The following AFF4 variants were observed in gnomAD, a reference collection of about 807,000 sequenced individuals.
AFF4 encodes the protein ALF transcription elongation factor 4.
AFF4 carries 13 observed loss-of-function variants against 124.8 expected under a neutral mutation model. The ratio of observed to expected loss-of-function variants is 0.10; its 90% CI spans 0.07 to 0.17. The LOEUF (loss-of-function observed/expected upper bound fraction) is 0.17, where lower values mean the gene tolerates loss of function less well. Ranked by LOEUF, AFF4 falls within the 10% of genes least tolerant of loss-of-function variation. The pLI is 1.00. For missense variants in AFF4, 1,092 were observed against 1,403.8 expected (o/e 0.78, Z 3.55); for synonymous variants, 477 against 496.1 (o/e 0.96, Z 0.51).
In AFF4 at chr5:132,934,202, T is replaced by C; in HGVS notation, c.863A>G (p.Lys288Arg). The C allele has an allele frequency of 6.2e-7, 1 of 1,614,202 alleles. No homozygotes were observed. The stretch of plus-strand genomic sequence containing the variant: ...GGTGAGATGTGCTTTGCTGCTGGGC[T>C]TCAGCTCAGTCATGCTGTTGCCATG... Reference protein sequence around the residue: ...QSHGNSMTELKPSSKAHLTKL... With the variant: ...QSHGNSMTELRPSSKAHLTKL... The change falls in exon 3 of 21, where the codon AAG becomes AGG. Residue 288 changes from lysine to arginine, a missense_variant. Physicochemically the swap from Lys to Arg is conservative, Grantham distance 26. This residue lies in a region of AFF4 where 148 missense variants were observed against 196.3 expected (regional missense o/e 0.75). Transcript: ENST00000265343.
chr5:132,949,504 T>C (rs1405539111), intron 1 of AFF4, among the ~76,000 whole-genome samples: 1 of 151,932 alleles, frequency 6.6e-6, no homozygotes, highest in Non-Finnish European at 1.5e-5. Context: ...AAGTGAGACC[T>C]CATCTCTTAA....
chr5:132,881,021 T>C lies in AFF4; in HGVS notation c.*38A>G. 1.2e-6 allele frequency: 2 copies of C among 1,605,690 alleles called. No individual in the cohort carries two copies. Among genetic ancestry groups the C allele is most frequent in the Non-Finnish European group, 1.7e-6 (2 of 1,176,550 alleles). On this transcript the variant is annotated 3_prime_UTR_variant, in exon 21 of 21. Transcript: ENST00000265343. Reference sequence around the variant, plus strand: ...TTTTCCTTCGTGATGTGACACAGTGTTGTGGAGAAAATCAGAGGCAACGAG... The same window carrying C: ...TTTTCCTTCGTGATGTGACACAGTGCTGTGGAGAAAATCAGAGGCAACGAG...
At chr5:132,895,718 A>G (rs1760372302) in intron 11 of AFF4, among the ~76,000 whole-genome samples, 1 of 152,238 alleles carries the variant, frequency 6.6e-6, no homozygotes, top group South Asian at 2.1e-4. Flanking sequence ...TCCTCCAATC[A>G]CAGACATGCG....
In AFF4 at chr5:132,880,171, A is replaced by T. The variant is rs1759938380; in HGVS notation, c.*888T>A. The T allele has an allele frequency of 2.5e-6, 1 of 398,890 alleles. No individual in the cohort carries two copies. The highest frequency in any genetic ancestry group is 3.6e-5 in the East Asian group (1 of 28,036). 24.7% of individuals were successfully genotyped at this position (398,890 alleles called of 1,614,324 possible). A position where few individuals can be genotyped will look rare whatever the true frequency, so the allele number is the denominator to read the frequency against. On this transcript the variant is annotated 3_prime_UTR_variant, in exon 21 of 21. Transcript: ENST00000265343. Reference sequence around the variant, plus strand: ...TTCCACAGTAACTTATTCTGTTTCGATTAAGTGTCAAATGATTAGCAACAA... The same window carrying T: ...TTCCACAGTAACTTATTCTGTTTCGTTTAAGTGTCAAATGATTAGCAACAA...
At position 132,875,574 on chromosome 5, in the gene AFF4, C is replaced by G. The variant is rs1478183647; in HGVS notation, c.*5485G>C. On this transcript the variant is annotated 3_prime_UTR_variant, in exon 21 of 21. Coordinates refer to ENST00000265343, the MANE Select transcript of AFF4 (RefSeq NM_014423.4). ...AATTTGTTTAAAAATACACATTAAA[C>G]GCATGTTTGACACTCTAAACTTTCT... 5.2e-6 allele frequency: 1 copy of G among 192,290 alleles called. No individual in the cohort carries two copies. The highest frequency in any genetic ancestry group is 1.9e-4 in the South Asian group (1 of 5,202). The allele number at this position is 192,290 out of a possible 1,614,324, so 11.9% of individuals were successfully genotyped here. A position where few individuals can be genotyped will look rare whatever the true frequency, so the allele number is the denominator to read the frequency against.
At chr5:132,888,262 G>A in intron 14 of AFF4, 102 bp from the exon 15 acceptor site, 1 of 779,122 alleles carries the variant, frequency 1.3e-6, no homozygotes, top group Non-Finnish European at 2.0e-6. Flanking sequence ...CTCAAGCAAA[G>A]AAAATGAGCT....
At chr5:132,929,347 C>A (rs974266762) in intron 4 of AFF4, among the ~76,000 whole-genome samples, 3 of 152,096 alleles carry the variant, frequency 2.0e-5, no homozygotes, top group African/African-American at 7.2e-5. Context: ...CAAGCCCCTG[C>A]ACATATAAAA....
At chr5:132,960,862 T>C (rs1316891967) in intron 1 of AFF4, among the ~76,000 whole-genome samples, 1 of 152,128 alleles carries the variant, frequency 6.6e-6, no homozygotes, top group Non-Finnish European at 1.5e-5. Flanking sequence ...CCTCAATATC[T>C]GCAAGAGACA....
intron 5 of AFF4, among the ~76,000 whole-genome samples, chr5:132,923,963 A>C (rs1343665665): frequency 6.6e-6 from 1 of 152,200 alleles, no homozygotes; most frequent in African/African-American, 2.4e-5. Flanking sequence ...GGAATAAAAA[A>C]AGAAAAACTG....
At position 132,963,261 on chromosome 5, in the gene AFF4, C is replaced by T; in HGVS notation, c.-7G>A. 1 of 393,922 alleles carries T rather than the reference C, an allele frequency of 2.5e-6. No individual in the cohort carries two copies. The highest frequency in any genetic ancestry group is 3.6e-5 in the East Asian group (1 of 27,850). 24.4% of individuals were successfully genotyped at this position (393,922 alleles called of 1,614,324 possible). On this transcript the variant is annotated splice_region_variant and 5_prime_UTR_variant, in exon 1 of 21. Transcript: ENST00000265343. Reference sequence around the variant, plus strand: ...GTCAGTCTGTCGGCCCTTCTTACCTCCAGTCCCGGCTCCGCTAGGCCCGAA... The same window carrying T: ...GTCAGTCTGTCGGCCCTTCTTACCTTCAGTCCCGGCTCCGCTAGGCCCGAA...
In AFF4 at chr5:132,934,725, C is replaced by T. The variant is rs765756314; in HGVS notation, c.340G>A (p.Ala114Thr). Residue 114 changes from alanine (A) to threonine (T), a missense_variant, in exon 3 of 21, where the codon GCA becomes ACA. Coordinates refer to ENST00000265343, the MANE Select transcript of AFF4 (RefSeq NM_014423.4). ...QSSKWTPVGPAPSTSQSQKRS... is the reference protein window; with the variant it reads ...QSSKWTPVGPTPSTSQSQKRS... ...TTCTGAGACTGAGAAGTGCTGGGTG[C>T]GGGTCCTACTGGAGTCCATTTGCTA... is the stretch of plus-strand genomic sequence containing the variant. 2.4e-5 allele frequency: 38 copies of T among 1,613,894 alleles called. No individual in the cohort carries two copies. Among genetic ancestry groups the T allele is most frequent in the Non-Finnish European group, 3.0e-5 (35 of 1,180,008 alleles).
intron 1 of AFF4, among the ~76,000 whole-genome samples, chr5:132,937,407 A>C (rs1476683259): frequency 6.6e-6 from 1 of 152,196 alleles, no homozygotes; most frequent in Non-Finnish European, 1.5e-5. Context: ...ACTAGCCCAG[A>C]ATATTAGAAC....
Position 132,934,118 on chromosome 5 carries a change from A to G in AFF4, c.918+29T>C, listed in dbSNP as rs115014851. 6,959 of 1,582,188 alleles carry G rather than the reference A, an allele frequency of 4.4e-3. 29 individuals carry two copies. The highest frequency in any genetic ancestry group is 5.1e-3 in the Non-Finnish European group (5,972 of 1,161,386). On this transcript the variant is annotated intron_variant, in intron 3 of 20. Coordinates refer to ENST00000265343, the MANE Select transcript of AFF4 (RefSeq NM_014423.4). Reference sequence around the variant, plus strand: ...CAGTCAATTGCTTCACGTAGTCACAATGTTAAAAGCTCTAAATGTGTGACT... The same window carrying G: ...CAGTCAATTGCTTCACGTAGTCACAGTGTTAAAAGCTCTAAATGTGTGACT...
chr5:132,954,376 C>T (rs930214886), intron 1 of AFF4, among the ~76,000 whole-genome samples: 1 of 152,108 alleles, frequency 6.6e-6, no homozygotes, highest in African/African-American at 2.4e-5. Context: ...GGCTCACTTG[C>T]TTACCTGCCA....
chr5:132,928,842 C>G (rs1010677322), intron 4 of AFF4, among the ~76,000 whole-genome samples: 1 of 152,136 alleles, frequency 6.6e-6, no homozygotes, highest in African/African-American at 2.4e-5. Flanking sequence ...ACTTGAACCT[C>G]TTAAAACAGC....
chr5:132,924,040 G>A (rs1397067787), intron 5 of AFF4, among the ~76,000 whole-genome samples: 2 of 151,848 alleles, frequency 1.3e-5, no homozygotes, highest in Non-Finnish European at 2.9e-5. Flanking sequence ...TGGATCACGA[G>A]GTCGGGAGTT....
intron 1 of AFF4, among the ~76,000 whole-genome samples, chr5:132,949,684 CCACA>C (rs565722171): frequency 1.3e-4 from 19 of 147,822 alleles, no homozygotes; most frequent in Admixed American, 2.0e-4. Flanking sequence ...CCCATGTGTA[CCACA>C]CACACACACA....
At chr5:132,938,233 A>G (rs1474567409) in intron 1 of AFF4, among the ~76,000 whole-genome samples, 1 of 152,126 alleles carries the variant, frequency 6.6e-6, no homozygotes, top group African/African-American at 2.4e-5. Flanking sequence ...AACTATAATT[A>G]TAAAATTAGA....
At chr5:132,953,026 C>T (rs903538390) in intron 1 of AFF4, among the ~76,000 whole-genome samples, 1 of 152,100 alleles carries the variant, frequency 6.6e-6, no homozygotes, top group Non-Finnish European at 1.5e-5. Context: ...TGCCCTTTGG[C>T]TATCTAAGAA....
Sources: gnomAD v4.1 joint callset for allele counts (sites outside exome capture counted in the v4.1 genomes callset) on GRCh38, gnomAD v4.1.1 for gene constraint, gnomAD v4.1.1 regional missense constraint, MANE v1.5 for transcripts, NCBI Gene and HGNC (gene_info 2026-07-23, HGNC 2026-07-21) for gene names.